Variants in SH3RF1 observed in about 807,000 individuals in gnomAD.
The protein encoded by SH3RF1 is SH3 domain containing ring finger 1, also known as E3 ubiquitin-protein ligase SH3RF1.
SH3RF1 carries 32 observed loss-of-function variants against 74.0 expected under a neutral mutation model. The ratio of observed to expected loss-of-function variants is 0.43; its 90% CI spans 0.33 to 0.58. The LOEUF (loss-of-function observed/expected upper bound fraction) is 0.58. Among genes scored for constraint, SH3RF1 ranks in the 20% least tolerant of loss-of-function variants. SH3RF1 has a pLI of 0.05. For synonymous variants in SH3RF1, 396 were observed against 439.6 expected, an observed-to-expected ratio of 0.90 and a Z score of 1.24; for missense variants, 954 against 1,130.9, an observed-to-expected ratio of 0.84 and a Z score of 2.24.
intron 2 of SH3RF1, among the ~76,000 whole-genome samples, chr4:169,172,793 A>G (rs564127460): frequency 1.3e-4 from 20 of 152,268 alleles, no homozygotes; most frequent in African/African-American, 4.6e-4. Context: ...GCGCGGCTAG[A>G]ACAAAGCAAG....
intron 2 of SH3RF1, among the ~76,000 whole-genome samples, chr4:169,174,338 T>C (rs910870949): frequency 1.3e-5 from 2 of 152,196 alleles, no homozygotes; most frequent in Admixed American, 6.5e-5. Flanking sequence ...GCAGGGATTA[T>C]TGGCGTGAGC....
intron 5 of SH3RF1, among the ~76,000 whole-genome samples, chr4:169,130,852 C>G (rs1032436025): frequency 2.0e-5 from 3 of 152,206 alleles, no homozygotes; most frequent in African/African-American, 7.2e-5. Context: ...CAATTTCACT[C>G]AGGTTGCATA....
At chr4:169,153,835 G>A (rs1217862269) in intron 4 of SH3RF1, among the ~76,000 whole-genome samples, 1 of 152,154 alleles carries the variant, frequency 6.6e-6, no homozygotes, top group Non-Finnish European at 1.5e-5. Context: ...TTCTACTTGG[G>A]CAGAAGTTTA....
At chr4:169,233,547 CACTTT>C (rs1291623732) in intron 2 of SH3RF1, among the ~76,000 whole-genome samples, 1 of 152,164 alleles carries the variant, frequency 6.6e-6, no homozygotes, top group Non-Finnish European at 1.5e-5. Flanking sequence ...CATTGCATTA[CACTTT>C]ACTTCATTTA....
chr4:169,219,786 C>T (rs1730533046), intron 2 of SH3RF1, among the ~76,000 whole-genome samples: 1 of 152,174 alleles, frequency 6.6e-6, no homozygotes, highest in Non-Finnish European at 1.5e-5. Flanking sequence ...TCATTTTTAT[C>T]CCTCTACTAC....
In SH3RF1 at chr4:169,218,252, GTT is replaced by G. The variant is rs565614919; in HGVS notation, c.393+50566_393+50567del. ...ATATTCTGTCTATAATATAGAATAT[GTT>G]TATATATAATATAGAATATAAATAT... On this transcript the variant is annotated intron_variant, in intron 2 of 11. Transcript: ENST00000284637. Among the ~76,000 whole-genome samples, 3 of 139,298 alleles carry G rather than the reference GTT, an allele frequency of 2.2e-5. No individual in the cohort carries two copies. The East Asian group carries it at 6.1e-4, about 28-fold the overall frequency. 91.4% of individuals were successfully genotyped at this position (139,298 alleles called of 152,430 possible).
At chr4:169,157,928 G>A (rs1252977692) in intron 2 of SH3RF1, among the ~76,000 whole-genome samples, 2 of 151,928 alleles carry the variant, frequency 1.3e-5, no homozygotes, top group Admixed American at 6.6e-5. Context: ...TTTACAAAAT[G>A]GGGTCTCGCC....
intron 2 of SH3RF1, among the ~76,000 whole-genome samples, chr4:169,257,092 T>C (rs1030981477): frequency 6.6e-6 from 1 of 152,088 alleles, no homozygotes; most frequent in Admixed American, 6.5e-5. Context: ...AGAAATTAGG[T>C]AAGGAAGTAA....
intron 2 of SH3RF1, among the ~76,000 whole-genome samples, chr4:169,242,111 C>T (rs972181858): frequency 1.3e-5 from 2 of 151,950 alleles, no homozygotes; most frequent in Non-Finnish European, 2.9e-5. Context: ...AAATATTTTT[C>T]TATTTCAATT....
chr4:169,189,937 T>C (rs1169127254), intron 2 of SH3RF1, among the ~76,000 whole-genome samples: 1 of 152,116 alleles, frequency 6.6e-6, no homozygotes, highest in Non-Finnish European at 1.5e-5. Context: ...TTCAAAACCA[T>C]GCAAATACAT....
chr4:169,248,003 G>T (rs1257050422), intron 2 of SH3RF1, among the ~76,000 whole-genome samples: 1 of 152,338 alleles, frequency 6.6e-6, no homozygotes, highest in East Asian at 1.9e-4. Context: ...TGCTGGCGAG[G>T]ATGTGGAGAA....
chr4:169,222,192 G>A (rs1173570050), intron 2 of SH3RF1, among the ~76,000 whole-genome samples: 1 of 152,136 alleles, frequency 6.6e-6, no homozygotes, highest in Non-Finnish European at 1.5e-5. Context: ...GGCTGGTCAT[G>A]GTGGCTTACG....
At chr4:169,211,853 CT>C (rs1350495901) in intron 2 of SH3RF1, among the ~76,000 whole-genome samples, 1 of 152,176 alleles carries the variant, frequency 6.6e-6, no homozygotes, top group Admixed American at 6.5e-5. Context: ...GATAACTGCA[CT>C]CCTGACACCA....
rs148638366 is a variant in SH3RF1 at position 169,163,036 on chromosome 4, T to C, written c.394-6357A>G. 1.3e-3 allele frequency among the ~76,000 whole-genome samples: 204 copies of C among 151,896 alleles called. 2 individuals are homozygous for C. The South Asian group carries it at 0.025, about 18-fold the overall frequency. ...TGACCAAACAGCAATCAGTCAATTATAGTCTCCAGCAGCCTTGCTGTTTTG... is the reference window on the plus strand; with the variant it reads ...TGACCAAACAGCAATCAGTCAATTACAGTCTCCAGCAGCCTTGCTGTTTTG... On this transcript the variant is annotated intron_variant, in intron 2 of 11. Transcript: ENST00000284637.
chr4:169,157,789 TG>T (rs1734083573), intron 2 of SH3RF1, among the ~76,000 whole-genome samples: 1 of 152,022 alleles, frequency 6.6e-6, no homozygotes, highest in African/African-American at 2.4e-5. Flanking sequence ...TTGCCCAGGC[TG>T]GAGTGCAGTG....
At chr4:169,222,326 A>C (rs185219575) in intron 2 of SH3RF1, among the ~76,000 whole-genome samples, 5 of 152,054 alleles carry the variant, frequency 3.3e-5, no homozygotes, top group Non-Finnish European at 7.4e-5. Context: ...TTAGCCAGGC[A>C]TGGTAGCAGA....
chr4:169,134,671 T>G (rs1387595837), intron 5 of SH3RF1, among the ~76,000 whole-genome samples: 1 of 152,206 alleles, frequency 6.6e-6, no homozygotes, highest in Non-Finnish European at 1.5e-5. Context: ...TGGATTAACC[T>G]CACTTTGCCC....
intron 2 of SH3RF1, among the ~76,000 whole-genome samples, chr4:169,230,689 T>C (rs1335124554): frequency 6.6e-6 from 1 of 151,890 alleles, no homozygotes; most frequent in Non-Finnish European, 1.5e-5. Flanking sequence ...TGAAACTCCA[T>C]CTCTACTAAA....
intron 2 of SH3RF1, among the ~76,000 whole-genome samples, chr4:169,165,220 C>T (rs1579115069): frequency 6.6e-6 from 1 of 152,064 alleles, no homozygotes; most frequent in African/African-American, 2.4e-5. Context: ...ACTGCCCTGC[C>T]CTAGGCCTCC....
Sources: allele counts gnomAD v4.1 joint callset (sites outside exome capture counted in the v4.1 genomes callset), GRCh38; gene constraint gnomAD v4.1.1; transcripts MANE v1.5; gene names NCBI Gene and HGNC (gene_info 2026-07-23, HGNC 2026-07-21).